KLHL4: variants seen among roughly 807,000 people sequenced by gnomAD.
KLHL4 encodes the protein kelch like family member 4.
A neutral mutation model predicts 45.8 loss-of-function variants in KLHL4; 17 were observed. The observed-to-expected ratio is 0.37, with a 90% CI of 0.25 to 0.56. The LOEUF (loss-of-function observed/expected upper bound fraction) is 0.56, where lower values mean the gene tolerates loss of function less well. Ranked by LOEUF, KLHL4 falls within the 20% of genes least tolerant of loss-of-function variation. The pLI, the probability that KLHL4 is intolerant of heterozygous loss-of-function variation, is 0.79. For missense variants in KLHL4, 544 were observed against 544.9 expected (o/e 1.00, Z 0.02); for synonymous variants, 224 against 189.9 (o/e 1.18, Z -1.47).
intron 1 of KLHL4, among the ~76,000 whole-genome samples, chrX:87,520,919 A>G (rs968373223): frequency 8.9e-6 from 1 of 112,312 alleles, no homozygotes; most frequent in Non-Finnish European, 1.9e-5. Flanking sequence ...GCATAAGTAT[A>G]CAGATGGATG....
chrX:87,568,525 A>C (rs917862755), intron 1 of KLHL4, among the ~76,000 whole-genome samples: 1 of 109,250 alleles, frequency 9.2e-6, no homozygotes, highest in Non-Finnish European at 1.9e-5. Context: ...TTCTGATTTC[A>C]AATCTTAGCA....
intron 9 of KLHL4, among the ~76,000 whole-genome samples, chrX:87,661,161 A>G (rs913384811): frequency 8.9e-6 from 1 of 112,054 alleles, no homozygotes; most frequent in Non-Finnish European, 1.9e-5. Context: ...TTTTCTTGTA[A>G]TAAGTCCTAG....
chrX:87,537,709 T>G (rs1326576798), intron 1 of KLHL4, among the ~76,000 whole-genome samples: 4 of 111,471 alleles, frequency 3.6e-5, no homozygotes, highest in Non-Finnish European at 3.8e-5. Flanking sequence ...TTTAAAAATA[T>G]GCCCATATTT....
intron 1 of KLHL4, among the ~76,000 whole-genome samples, chrX:87,573,001 TC>T (rs1932366878): frequency 8.9e-6 from 1 of 111,809 alleles, no homozygotes; most frequent in Non-Finnish European, 1.9e-5. Context: ...CAAATGTTTT[TC>T]TTAATCCTCT....
At position 87,667,131 on chromosome X, in the gene KLHL4, G is replaced by C. The variant is rs1054290519; in HGVS notation, c.*597G>C. On this transcript the variant is annotated 3_prime_UTR_variant, in exon 11 of 11. Transcript: ENST00000373119. ...TTTGACAAAACTTGTTATGTTGATC[G>C]CGGTATGTCAAAATTTTTACAGGTT... The C allele has an allele frequency of 1.6e-5, 12 of 750,349 alleles. No individual in the cohort carries two copies. The highest frequency in any genetic ancestry group is 1.9e-5 in the Non-Finnish European group (12 of 637,781). 61.8% of individuals were successfully genotyped at this position (750,349 alleles called of 1,213,427 possible). A position where few individuals can be genotyped will look rare whatever the true frequency, so the allele number is the denominator to read the frequency against.
At chrX:87,638,562 T>C (rs998227781) in intron 9 of KLHL4, among the ~76,000 whole-genome samples, 2 of 111,335 alleles carry the variant, frequency 1.8e-5, no homozygotes, top group East Asian at 2.8e-4. Flanking sequence ...ACAAAACAAT[T>C]AGTCAAGAAT....
chrX:87,517,941 G>C lies in KLHL4; in HGVS notation c.48G>C (p.Arg16Ser), dbSNP rs1041392996. ...KKEFDVKQIL[R>S]LRWRWFSHPF... is the part of the protein sequence containing the mutation. Reference sequence around the variant, plus strand: ...AGTTTGATGTGAAACAGATCCTAAGGCTACGCTGGAGGTGGTTTAGTCATC... The same window carrying C: ...AGTTTGATGTGAAACAGATCCTAAGCCTACGCTGGAGGTGGTTTAGTCATC... Residue 16 changes from arginine (R) to serine (S), a missense_variant, in exon 1 of 11, where the codon AGG becomes AGC. Arg to Ser is a moderately radical substitution (Grantham distance 110). Coordinates refer to ENST00000373119, the MANE Select transcript of KLHL4 (RefSeq NM_019117.5). The C allele has an allele frequency of 8.3e-7, 1 of 1,211,394 alleles. No individual in the cohort carries two copies. The highest frequency in any genetic ancestry group is 1.8e-5 in the South Asian group (1 of 56,954).
At chrX:87,646,310 C>G (rs956457949) in intron 9 of KLHL4, among the ~76,000 whole-genome samples, 1 of 111,578 alleles carries the variant, frequency 9.0e-6, no homozygotes, top group Non-Finnish European at 1.9e-5. Context: ...GTGATCATGA[C>G]CATACTGCCA....
chrX:87,646,831 T>C (rs761700708), intron 9 of KLHL4, among the ~76,000 whole-genome samples: 1 of 111,545 alleles, frequency 9.0e-6, no homozygotes, highest in East Asian at 2.8e-4. Context: ...TTCTAGACAT[T>C]AGCTTAGGCA....
chrX:87,609,120 TG>T (rs1922290564), intron 1 of KLHL4, among the ~76,000 whole-genome samples: 2 of 112,025 alleles, frequency 1.8e-5, no homozygotes, highest in Non-Finnish European at 3.8e-5. Context: ...TAGTATTCCA[TG>T]GTGTATATGT....
At chrX:87,647,078 A>G (rs892127933) in intron 9 of KLHL4, among the ~76,000 whole-genome samples, 22 of 112,069 alleles carry the variant, frequency 2.0e-4, no homozygotes, top group African/African-American at 6.8e-4. Flanking sequence ...GGCTAAGGAC[A>G]TGAATAGACA....
intron 1 of KLHL4, among the ~76,000 whole-genome samples, chrX:87,574,984 G>A (rs1256371504): frequency 8.9e-6 from 1 of 111,969 alleles, no homozygotes; most frequent in Non-Finnish European, 1.9e-5. Flanking sequence ...TCAATGAAAA[G>A]TCTGATGTTT....
intron 1 of KLHL4, among the ~76,000 whole-genome samples, chrX:87,545,451 C>G (rs1411422025): frequency 9.0e-6 from 1 of 111,301 alleles, no homozygotes; most frequent in Non-Finnish European, 1.9e-5. Context: ...CTACACATGC[C>G]CTCTCGCCTG....
At chrX:87,633,669 A>G (rs2147824764) in intron 7 of KLHL4, 80 bp from the exon 8 acceptor site, 3 of 843,709 alleles carry the variant, frequency 3.6e-6, no homozygotes, top group East Asian at 3.3e-5. Flanking sequence ...AAATTTAAGC[A>G]GTTAATTGCT....
chrX:87,593,017 C>T (rs184522623), intron 1 of KLHL4, among the ~76,000 whole-genome samples: 10 of 111,513 alleles, frequency 9.0e-5, no homozygotes, highest in East Asian at 5.6e-4. Context: ...CATGTCATTC[C>T]GCTGTCATTT....
intron 1 of KLHL4, among the ~76,000 whole-genome samples, chrX:87,605,630 G>A (rs1184105815): frequency 9.0e-6 from 1 of 110,690 alleles, no homozygotes; most frequent in African/African-American, 3.3e-5. Context: ...AGATTTTTGT[G>A]TAGTCTTTAG....
chrX:87,600,587 TC>T (rs1299513667), intron 1 of KLHL4, among the ~76,000 whole-genome samples: 1 of 111,772 alleles, frequency 8.9e-6, no homozygotes, highest in East Asian at 2.8e-4. Flanking sequence ...CGCTTTACCT[TC>T]CACCATGATT....
At chrX:87,643,370 C>A (rs961291021) in intron 9 of KLHL4, among the ~76,000 whole-genome samples, 1 of 110,815 alleles carries the variant, frequency 9.0e-6, no homozygotes, top group Non-Finnish European at 1.9e-5. Flanking sequence ...AATTAGATAC[C>A]TTGAACAGAC....
intron 9 of KLHL4, among the ~76,000 whole-genome samples, chrX:87,651,408 G>A (rs1923808591): frequency 8.9e-6 from 1 of 112,097 alleles, no homozygotes; most frequent in Admixed American, 9.5e-5. Flanking sequence ...AAAGTCCACA[G>A]TTCAAAGTCT....
Sources: allele counts gnomAD v4.1 joint callset (sites outside exome capture counted in the v4.1 genomes callset), GRCh38; gene constraint gnomAD v4.1.1; transcripts MANE v1.5; gene names NCBI Gene and HGNC (gene_info 2026-07-23, HGNC 2026-07-21).